SOX6: variants seen among roughly 807,000 people sequenced by gnomAD.
SOX6 encodes SRY-box transcription factor 6.
SOX6 carries 11 observed loss-of-function variants against 97.8 expected under a neutral mutation model. That is an observed-to-expected ratio of 0.11 (90% confidence interval 0.07 to 0.19). The LOEUF (loss-of-function observed/expected upper bound fraction) is 0.19, where lower values mean the gene tolerates loss of function less well. SOX6 is among the 10% of genes least tolerant of loss of function. The probability of loss-of-function intolerance (pLI) is 1.00; values close to 1 mark genes in which losing one functional copy is unlikely to be tolerated. For missense variants in SOX6, 810 were observed against 1,039.5 expected, an observed-to-expected ratio of 0.78 and a Z score of 3.04; for synonymous variants, 360 against 371.4, an observed-to-expected ratio of 0.97 and a Z score of 0.35.
chr11:16,418,898 C>A (rs1858975159), intron 1 of SOX6, among the ~76,000 whole-genome samples: 1 of 152,072 alleles, frequency 6.6e-6, no homozygotes, highest in Non-Finnish European at 1.5e-5. Flanking sequence ...TTTTCACTTT[C>A]ACTTAAGACA....
intron 4 of SOX6, among the ~76,000 whole-genome samples, chr11:16,543,316 C>T (rs117616353): frequency 6.6e-6 from 1 of 151,866 alleles, no homozygotes; most frequent in Non-Finnish European, 1.5e-5. Flanking sequence ...ACGGTAATAT[C>T]ACTTTTAGAA....
chr11:16,220,926 T>C (rs1197870880), intron 4 of SOX6, among the ~76,000 whole-genome samples: 1 of 152,080 alleles, frequency 6.6e-6, no homozygotes, highest in Non-Finnish European at 1.5e-5. Context: ...AAGCAACTAA[T>C]TTCTTTAAGC....
Position 16,051,029 on chromosome 11 carries a change from A to G in SOX6, c.1252-1091T>C, listed in dbSNP as rs11023835. On this transcript the variant is annotated intron_variant, in intron 10 of 15. Coordinates refer to ENST00000683767, the MANE Select transcript of SOX6 (RefSeq NM_001367873.1). ...AACCATGTGACCTTGCTGGGGCTCA[A>G]TTTCTTCATCTGTGAAAAGAGGGTC... is the stretch of plus-strand genomic sequence containing the variant. 3.3e-5 allele frequency among the ~76,000 whole-genome samples: 5 copies of G among 152,100 alleles called. No individual in the cohort carries two copies. In the East Asian group the frequency reaches 9.7e-4, roughly 29 times the overall value.
intron 1 of SOX6, among the ~76,000 whole-genome samples, chr11:16,362,637 G>A (rs10832597): frequency 0.013 from 2,024 of 152,196 alleles, 15 homozygotes; most frequent in Non-Finnish European, 0.022. Context: ...AAAAAAAAGT[G>A]GGGGAGCTAG....
intron 3 of SOX6, among the ~76,000 whole-genome samples, chr11:16,701,060 T>C (rs995900811): frequency 3.3e-5 from 5 of 152,246 alleles, no homozygotes; most frequent in African/African-American, 1.2e-4. Flanking sequence ...CTTTTGCCTC[T>C]TAGTTACACT....
intron 10 of SOX6, 64 bp from the exon 11 acceptor site, chr11:16,050,002 T>C: frequency 6.5e-7 from 1 of 1,544,426 alleles, no homozygotes; most frequent in Non-Finnish European, 8.9e-7. Flanking sequence ...TATCACTTAG[T>C]AAGCCACAGT....
chr11:16,129,806 T>C (rs1481586683), intron 6 of SOX6, among the ~76,000 whole-genome samples: 1 of 152,108 alleles, frequency 6.6e-6, no homozygotes, highest in Non-Finnish European at 1.5e-5. Context: ...GCTTCCTCAA[T>C]CTGATTAAAA....
At chr11:16,516,023 C>T (rs12364390) in intron 4 of SOX6, among the ~76,000 whole-genome samples, 25,723 of 151,334 alleles carry the variant, frequency 0.17, 2,717 homozygotes, top group East Asian at 0.32. Flanking sequence ...ATTGACTTGG[C>T]AATGCGGGCT....
At chr11:16,285,800 T>A (rs1854719287) in intron 3 of SOX6, among the ~76,000 whole-genome samples, 1 of 152,122 alleles carries the variant, frequency 6.6e-6, no homozygotes, top group Non-Finnish European at 1.5e-5. Flanking sequence ...ACTATATTAC[T>A]AATACAAATG....
intron 4 of SOX6, among the ~76,000 whole-genome samples, chr11:16,573,890 T>C (rs534042727): frequency 2.5e-4 from 38 of 152,296 alleles, no homozygotes; most frequent in African/African-American, 8.7e-4. Flanking sequence ...AATAACTTTT[T>C]GACTTCTCTG....
rs563062977 is a variant in SOX6, at chr11:16,322,511, T to C, written c.238-3858A>G. Among the ~76,000 whole-genome samples the C allele has an allele frequency of 2.6e-5, 4 of 152,312 alleles. No individual in the cohort carries two copies. The South Asian group carries it at 8.3e-4, about 32-fold the overall frequency. ...AATTACCCAGTCTCAGGTATTTCTT[T>C]ATAGCAGTGTGAGAATGGTCTAAAC... On this transcript the variant is annotated intron_variant, in intron 2 of 15. Transcript: ENST00000683767.
intron 4 of SOX6, among the ~76,000 whole-genome samples, chr11:16,503,871 C>T (rs1201642962): frequency 6.6e-6 from 1 of 151,758 alleles, no homozygotes; most frequent in Non-Finnish European, 1.5e-5. Flanking sequence ...GGTGAAACTC[C>T]GTCTGTACTA....
intron 6 of SOX6, among the ~76,000 whole-genome samples, chr11:16,144,091 A>G (rs1850224122): frequency 6.6e-6 from 1 of 152,216 alleles, no homozygotes; most frequent in African/African-American, 2.4e-5. Context: ...AATTGACCAC[A>G]TAGTTGGAAG....
chr11:15,973,892 G>C (rs1435412506), intron 15 of SOX6, among the ~76,000 whole-genome samples: 2 of 152,120 alleles, frequency 1.3e-5, no homozygotes, highest in African/African-American at 4.8e-5. Flanking sequence ...TGTTACCCTA[G>C]TTTAAACAAA....
intron 6 of SOX6, among the ~76,000 whole-genome samples, chr11:16,151,073 GTAAATAATACCTCTTTTATAA>G (rs1850446020): frequency 6.6e-6 from 1 of 152,056 alleles, no homozygotes; most frequent in Non-Finnish European, 1.5e-5. Flanking sequence ...GGATTTTACA[GTAAATAATACCTCTTTTATAA>G]CATACAAATG....
intron 3 of SOX6, among the ~76,000 whole-genome samples, chr11:16,306,649 A>G (rs886690664): frequency 6.9e-4 from 68 of 98,576 alleles, no homozygotes; most frequent in African/African-American, 1.9e-3. Flanking sequence ...TTCCTGAGAC[A>G]GATTCTCGCT....
At chr11:16,656,399 G>A (rs1051291983) in intron 3 of SOX6, among the ~76,000 whole-genome samples, 20 of 152,028 alleles carry the variant, frequency 1.3e-4, no homozygotes, top group African/African-American at 4.6e-4. Flanking sequence ...AGTACATGAC[G>A]TACCAGGAGA....
chr11:16,133,862 C>T (rs1017644256), intron 6 of SOX6, among the ~76,000 whole-genome samples: 2 of 151,972 alleles, frequency 1.3e-5, no homozygotes, highest in Admixed American at 6.6e-5. Context: ...CTAATTTTTG[C>T]ATTTAGTAGA....
intron 4 of SOX6, among the ~76,000 whole-genome samples, chr11:16,528,210 C>A (rs1364659711): frequency 6.6e-6 from 1 of 151,956 alleles, no homozygotes; most frequent in Admixed American, 6.6e-5. Context: ...TGGCCAAAGT[C>A]AATGGGAAGG....
Sources: allele counts gnomAD v4.1 joint callset (sites outside exome capture counted in the v4.1 genomes callset), GRCh38; gene constraint gnomAD v4.1.1; transcripts MANE v1.5; gene names NCBI Gene and HGNC (gene_info 2026-07-23, HGNC 2026-07-21).